FRY: variants seen among roughly 807,000 people sequenced by gnomAD.
FRY encodes the protein protein furry homolog.
In FRY, 128 loss-of-function variants were observed where a neutral mutation model predicts 348.4. The ratio of observed to expected loss-of-function variants is 0.37; its 90% CI spans 0.32 to 0.43. FRY has a LOEUF of 0.43. Among genes scored for constraint, FRY ranks in the 20% least tolerant of loss-of-function variants. The pLI is 1.00. For synonymous variants in FRY, 1,370 were observed against 1,374.7 expected, an observed-to-expected ratio of 1.00 and a Z score of 0.08; for missense variants, 2,736 against 3,695.2, an observed-to-expected ratio of 0.74 and a Z score of 6.73.
Position 32,161,177 on chromosome 13 carries a change from G to A in FRY, c.1818G>A (p.Arg606=). 1 of 1,613,186 alleles carries A rather than the reference G, an allele frequency of 6.2e-7. No homozygotes were observed. Among genetic ancestry groups the A allele is most frequent in the Non-Finnish European group, 8.5e-7 (1 of 1,179,336 alleles). ...GERKPKIDLF[R]TCVAAIPRLL... is the part of the protein sequence containing the mutation. ...GAAAGCCAAAAATAGATCTTTTCAG[G>A]ACCTGTGTTGCTGCTATTCCTCGAC... The change falls in exon 17 of 61, where the codon AGG becomes AGA. Residue 606 remains arginine, a synonymous_variant. Transcript: ENST00000542859.
In FRY at chr13:32,237,590, G is replaced by T. The variant is rs1886286372; in HGVS notation, c.6022G>T (p.Ala2008Ser). The change falls in exon 44 of 61, where the codon GCT becomes TCT. Residue 2008 changes from alanine to serine, a missense_variant. This residue lies in a region of FRY where 789 missense variants were observed against 996.2 expected (regional missense o/e 0.79). Coordinates refer to ENST00000542859, the MANE Select transcript of FRY (RefSeq NM_023037.3). The surrounding 1 kb of genome is among the most constrained non-coding windows in gnomAD (Gnocchi z 6.3). ...AAGTGCCACACTGGACAGAATTCAG[G>T]CTTGTACCCAACAAGGCCTCTCCTC... is the stretch of plus-strand genomic sequence containing the variant. ...PRSATLDRIQ[A>S]CTQQGLSSKT... The T allele has an allele frequency of 6.2e-7, 1 of 1,613,938 alleles. No homozygotes were observed. Among genetic ancestry groups the T allele is most frequent in the Admixed American group, 1.7e-5 (1 of 59,982 alleles).
chr13:32,208,765 T>C, intron 31 of FRY, 88 bp from the exon 32 acceptor site: 1 of 1,471,096 alleles, frequency 6.8e-7, no homozygotes, highest in Non-Finnish European at 9.5e-7. Flanking sequence ...CGTAGGACAC[T>C]GTTCAGTCTG....
intron 38 of FRY, 105 bp from the exon 39 acceptor site, chr13:32,225,684 A>C: frequency 2.1e-6 from 2 of 941,468 alleles, no homozygotes. Flanking sequence ...AAAACTAAAC[A>C]TTCTTTTAAC....
intron 1 of FRY, among the ~76,000 whole-genome samples, chr13:32,059,886 C>G (rs1174342725): frequency 1.3e-5 from 2 of 152,214 alleles, no homozygotes; most frequent in African/African-American, 4.8e-5. Context: ...GTCAACTCTA[C>G]AGAGGCATTC....
At chr13:32,052,837 G>C (rs536200769) in intron 1 of FRY, among the ~76,000 whole-genome samples, 1 of 152,112 alleles carries the variant, frequency 6.6e-6, no homozygotes, top group Admixed American at 6.5e-5. Flanking sequence ...TTTCTGGCTG[G>C]GCACGATGGC....
chr13:32,173,251 G>A, intron 18 of FRY, 116 bp from the exon 19 acceptor site: 1 of 734,752 alleles, frequency 1.4e-6, no homozygotes, highest in Non-Finnish European at 2.4e-6. Flanking sequence ...CTAAACCATG[G>A]TCATTTATTT....
intron 15 of FRY, among the ~76,000 whole-genome samples, chr13:32,156,762 G>A (rs1881145449): frequency 6.6e-6 from 1 of 152,026 alleles, no homozygotes; most frequent in Non-Finnish European, 1.5e-5. Context: ...TGTAGTTAAT[G>A]AGAACAATAA....
rs758500262 is a variant in FRY at position 32,209,565 on chromosome 13, C to A, written c.4276-20C>A. ...TACAGTTTTCACACATCTCTTGGGCCGGTTTTTATTTTGTTATAGTATGGA... is the reference window on the plus strand; with the variant it reads ...TACAGTTTTCACACATCTCTTGGGCAGGTTTTTATTTTGTTATAGTATGGA... On this transcript the variant is annotated intron_variant, in intron 32 of 60. Transcript: ENST00000542859. The A allele has an allele frequency of 6.2e-7, 1 of 1,613,246 alleles. No homozygotes were observed. Among genetic ancestry groups the A allele is most frequent in the Non-Finnish European group, 8.5e-7 (1 of 1,179,390 alleles).
intron 1 of FRY, among the ~76,000 whole-genome samples, chr13:32,044,491 G>A (rs1302145635): frequency 6.6e-6 from 1 of 152,162 alleles, no homozygotes; most frequent in Non-Finnish European, 1.5e-5. Flanking sequence ...CCATTTTGTA[G>A]AATAAAAACC....
At chr13:32,229,585 C>G (rs1885798413) in intron 40 of FRY, among the ~76,000 whole-genome samples, 1 of 152,130 alleles carries the variant, frequency 6.6e-6, no homozygotes, top group African/African-American at 2.4e-5. Flanking sequence ...ACTTCAGAGA[C>G]CCGCATGATT....
chr13:32,179,336 A>G (rs1445967152), intron 22 of FRY, among the ~76,000 whole-genome samples: 1 of 152,036 alleles, frequency 6.6e-6, no homozygotes, highest in Non-Finnish European at 1.5e-5. Context: ...CATTTCTTTC[A>G]CTCCTCACTG....
At chr13:32,101,229 G>A (rs1462285589) in intron 2 of FRY, among the ~76,000 whole-genome samples, 1 of 152,058 alleles carries the variant, frequency 6.6e-6, no homozygotes, top group Non-Finnish European at 1.5e-5. Flanking sequence ...GTCTTTCTGT[G>A]CCTGGCTTAT....
chr13:32,175,722 G>T, intron 20 of FRY, 90 bp downstream of exon 20: 1 of 802,762 alleles, frequency 1.2e-6, no homozygotes, highest in South Asian at 1.4e-5. Flanking sequence ...AATAATTTGG[G>T]TGTTTATGTC....
At chr13:32,072,528 A>G (rs1349631880) in intron 1 of FRY, among the ~76,000 whole-genome samples, 1 of 151,840 alleles carries the variant, frequency 6.6e-6, no homozygotes, top group East Asian at 1.9e-4. Context: ...TTTTATCCCA[A>G]TTTACTTTAC....
At chr13:32,135,023 C>T (rs757462472) in intron 9 of FRY, 27 bp downstream of exon 9, 14 of 1,561,004 alleles carry the variant, frequency 9.0e-6, no homozygotes, top group Non-Finnish European at 1.1e-5. Flanking sequence ...AAAACTCCTT[C>T]AAATTGTATC....
intron 47 of FRY, among the ~76,000 whole-genome samples, chr13:32,245,303 G>A (rs1443702532): frequency 6.6e-6 from 1 of 150,678 alleles, no homozygotes; most frequent in African/African-American, 2.4e-5. Context: ...TTATTTTAAT[G>A]AAAATAAAAA....
At chr13:32,136,224 T>G (rs1387520082) in intron 10 of FRY, among the ~76,000 whole-genome samples, 3 of 152,196 alleles carry the variant, frequency 2.0e-5, no homozygotes, top group Non-Finnish European at 4.4e-5. Flanking sequence ...TTTCGGTGGC[T>G]GTTCATTACC....
At chr13:32,186,125 T>G in intron 26 of FRY, 135 bp from the exon 27 acceptor site, 1 of 737,330 alleles carries the variant, frequency 1.4e-6, no homozygotes, top group Admixed American at 2.1e-5. Flanking sequence ...ACTTTTTAAG[T>G]GCATGTTTCA....
At chr13:32,242,800 G>A (rs1038743495) in intron 46 of FRY, among the ~76,000 whole-genome samples, 6 of 152,190 alleles carry the variant, frequency 3.9e-5, no homozygotes, top group Non-Finnish European at 8.8e-5. Flanking sequence ...CTCCCAAAGT[G>A]CTGGGATTAC....
Sources: gnomAD v4.1 joint callset for allele counts (sites outside exome capture counted in the v4.1 genomes callset) on GRCh38, gnomAD v4.1.1 for gene constraint, gnomAD v4.1.1 regional missense constraint, Gnocchi (gnomAD v3.1) non-coding constraint, MANE v1.5 for transcripts, NCBI Gene and HGNC (gene_info 2026-07-23, HGNC 2026-07-21) for gene names.